RNF20: variants seen among roughly 807,000 people sequenced by gnomAD.
The protein encoded by RNF20 is ring finger protein 20.
Under a neutral mutation model 126.2 loss-of-function variants are expected in RNF20, and 84 were observed. The ratio of observed to expected loss-of-function variants is 0.67; its 90% CI spans 0.56 to 0.80. RNF20 has a LOEUF of 0.80. RNF20 is among the 30% of genes least tolerant of loss of function. The probability of loss-of-function intolerance (pLI) is 0.00; values close to 1 mark genes in which losing one functional copy is unlikely to be tolerated. For missense variants in RNF20, 869 were observed against 1,188.2 expected (o/e 0.73, Z 3.95); for synonymous variants, 400 against 414.3 (o/e 0.97, Z 0.42).
At chr9:101,541,036 G>C in intron 5 of RNF20, 61 bp downstream of exon 5, 1 of 1,349,834 alleles carries the variant, frequency 7.4e-7, no homozygotes, top group Admixed American at 2.0e-5. Context: ...ATTTTTGCAT[G>C]CTAATTTGTA....
chr9:101,535,937 C>G (rs1827176168), intron 2 of RNF20, among the ~76,000 whole-genome samples: 1 of 152,184 alleles, frequency 6.6e-6, no homozygotes, highest in Admixed American at 6.5e-5. Flanking sequence ...ACCAGATTGC[C>G]TGGAGTTGAC....
chr9:101,545,366 C>G (rs191200931), intron 6 of RNF20, among the ~76,000 whole-genome samples: 65 of 152,282 alleles, frequency 4.3e-4, no homozygotes, highest in African/African-American at 1.5e-3. Flanking sequence ...CCACTGAATT[C>G]TTATGCTAAT....
chr9:101,542,033 C>T (rs1320451820), intron 5 of RNF20, among the ~76,000 whole-genome samples: 2 of 152,108 alleles, frequency 1.3e-5, no homozygotes, highest in Non-Finnish European at 2.9e-5. Flanking sequence ...CTTAATTTCC[C>T]TGCTTATCAT....
chr9:101,539,381 T>G (rs1827226790), intron 2 of RNF20, among the ~76,000 whole-genome samples: 1 of 151,994 alleles, frequency 6.6e-6, no homozygotes, highest in African/African-American at 2.4e-5. Context: ...TTGACAGAGA[T>G]AGAATAAAAG....
chr9:101,550,760 A>T lies in RNF20; in HGVS notation c.1247A>T (p.His416Leu). Residue 416 changes from histidine (H) to leucine (L), a missense_variant, in exon 10 of 20, where the codon CAC becomes CTC. By Grantham distance (99) the His-to-Leu change is moderately conservative. This residue lies in a region of RNF20 where 153 missense variants were observed against 226.4 expected (regional missense o/e 0.68). Coordinates refer to ENST00000389120, the MANE Select transcript of RNF20 (RefSeq NM_019592.7). ...CTGCTTCATGGCACCAGAGGAACCC[A>T]CCAGCACCAGGTTGAGCTTATTGAG... ...RTLLHGTRGT[H>L]QHQVELIERD... 6.2e-7 allele frequency: 1 copy of T among 1,614,170 alleles called. No individual in the cohort carries two copies. The highest frequency in any genetic ancestry group is 8.5e-7 in the Non-Finnish European group (1 of 1,180,012).
At chr9:101,547,567 A>G in intron 9 of RNF20, 49 bp downstream of exon 9, 2 of 1,608,328 alleles carry the variant, frequency 1.2e-6, no homozygotes, top group South Asian at 2.2e-5. Flanking sequence ...TCTGCTGATC[A>G]ACTCACGTAT....
Position 101,544,564 on chromosome 9 carries a change from G to T in RNF20, c.629-203G>T, listed in dbSNP as rs73503231. 9.8e-3 allele frequency among the ~76,000 whole-genome samples: 1,485 copies of T among 152,256 alleles called. 21 individuals are homozygous for T. The highest frequency in any genetic ancestry group is 0.034 in the African/African-American group (1,407 of 41,556). ...CTACTAAAAATACAAAAATCATCCG[G>T]GTGTGGTGGCATGTGCCTGTAATCC... On this transcript the variant is annotated intron_variant, in intron 5 of 19. Coordinates refer to ENST00000389120, the MANE Select transcript of RNF20 (RefSeq NM_019592.7).
chr9:101,553,963 C>T (rs776313384), intron 13 of RNF20, 25 bp from the exon 14 acceptor site: 3 of 1,309,286 alleles, frequency 2.3e-6, no homozygotes, highest in Admixed American at 1.7e-5. Flanking sequence ...ACATTGTTCC[C>T]CTCCCTCTAC....
chr9:101,551,484 C>T (rs1448889894), intron 10 of RNF20, among the ~76,000 whole-genome samples, 200 bp from the exon 11 acceptor site: 2 of 152,088 alleles, frequency 1.3e-5, no homozygotes, highest in Non-Finnish European at 2.9e-5. Flanking sequence ...AGTTCTCCAA[C>T]TAAATTCTAA....
intron 16 of RNF20, among the ~76,000 whole-genome samples, chr9:101,558,556 A>C (rs1392489042): frequency 6.6e-6 from 1 of 152,246 alleles, no homozygotes; most frequent in South Asian, 2.1e-4. Flanking sequence ...CATCACATCC[A>C]TGCCAACACC....
chr9:101,539,039 C>T (rs1165413448), intron 2 of RNF20, among the ~76,000 whole-genome samples: 1 of 152,068 alleles, frequency 6.6e-6, no homozygotes, highest in Non-Finnish European at 1.5e-5. Context: ...AGAATGTGTG[C>T]ATAATTGTGT....
chr9:101,537,349 A>T (rs1827200077), intron 2 of RNF20, among the ~76,000 whole-genome samples: 1 of 152,162 alleles, frequency 6.6e-6, no homozygotes, highest in South Asian at 2.1e-4. Context: ...TGGAATTTTT[A>T]CTTACTGAGC....
chr9:101,548,011 A>G (rs979951572), intron 9 of RNF20, among the ~76,000 whole-genome samples: 1 of 152,228 alleles, frequency 6.6e-6, no homozygotes, highest in African/African-American at 2.4e-5. Flanking sequence ...TTGTGTGTCT[A>G]TATACCAACA....
intron 9 of RNF20, among the ~76,000 whole-genome samples, chr9:101,549,388 T>G (rs1186639243): frequency 6.6e-6 from 1 of 152,100 alleles, no homozygotes; most frequent in Non-Finnish European, 1.5e-5. Context: ...ATTAGAGACT[T>G]TTAATACTTT....
At chr9:101,535,345 A>G (rs777703431) in intron 1 of RNF20, 53 bp from the exon 2 acceptor site, 290 of 1,462,618 alleles carry the variant, frequency 2.0e-4, no homozygotes, top group Non-Finnish European at 2.6e-4. Flanking sequence ...GTTTTACTCT[A>G]TTGTTGCTTT....
rs775181754 is a variant in RNF20 at position 101,561,207 on chromosome 9, A to G, written c.2626A>G (p.Met876Val). The G allele has an allele frequency of 2.0e-5, 32 of 1,613,618 alleles. No individual in the cohort carries two copies. In the South Asian group the frequency reaches 3.1e-4, roughly 16 times the overall value. ...GAACAGTGTTACCAAAGAAAAGGAC[A>G]TGTTCAATTTCAAACGAGCCCAGGT... is the stretch of plus-strand genomic sequence containing the variant. ...VENSVTKEKDMFNFKRAQEDI... is the reference protein window; with the variant it reads ...VENSVTKEKDVFNFKRAQEDI... Residue 876 changes from methionine (M) to valine (V), a missense_variant, in exon 18 of 20, where the codon ATG (methionine) becomes GTG (valine). Met to Val is a conservative substitution (Grantham distance 21). Transcript: ENST00000389120.
chr9:101,554,703 C>T lies in RNF20; in HGVS notation c.2029C>T (p.Leu677=), dbSNP rs1827504826. ...EKKSKAELED[L]RQRLKDLEDK... is the part of the protein sequence containing the mutation. Reference sequence around the variant, plus strand: ...TCCTTTCCTCTTATAGTTGGAAGATCTAAGGCAAAGACTCAAGGATCTGGA... The same window carrying T: ...TCCTTTCCTCTTATAGTTGGAAGATTTAAGGCAAAGACTCAAGGATCTGGA... The change falls in exon 15 of 20, where the codon CTA becomes TTA. Residue 677 remains leucine (L), a synonymous_variant. Coordinates refer to ENST00000389120, the MANE Select transcript of RNF20 (RefSeq NM_019592.7). The T allele has an allele frequency of 6.2e-7, 1 of 1,609,820 alleles. No homozygotes were observed.
At position 101,561,901 on chromosome 9, in the gene RNF20, C is replaced by T. The variant is rs768495318; in HGVS notation, c.2650-9C>T. ...AAGTGTGTCTAATGGGTATGCTATC[C>T]TGCCACAGGAGGACATCTCTAGACT... On this transcript the variant is annotated splice_polypyrimidine_tract_variant and intron_variant, in intron 18 of 19. Transcript: ENST00000389120. 2 of 1,593,170 alleles carry T rather than the reference C, an allele frequency of 1.3e-6. No individual in the cohort carries two copies. Among genetic ancestry groups the T allele is most frequent in the South Asian group, 1.1e-5 (1 of 90,598 alleles).
intron 18 of RNF20, chr9:101,561,512 C>T (rs1240136425): frequency 4.7e-6 from 2 of 428,400 alleles, no homozygotes; most frequent in Non-Finnish European, 8.3e-6. Flanking sequence ...TTTTCAAGTT[C>T]TTGTATAATG....
Sources: gnomAD v4.1 joint callset for allele counts (sites outside exome capture counted in the v4.1 genomes callset) on GRCh38, gnomAD v4.1.1 for gene constraint, gnomAD v4.1.1 regional missense constraint, MANE v1.5 for transcripts, NCBI Gene and HGNC (gene_info 2026-07-23, HGNC 2026-07-21) for gene names.